Variants in PIK3CB observed in about 807,000 individuals in gnomAD.
PIK3CB encodes the protein phosphatidylinositol-4,5-bisphosphate 3-kinase catalytic subunit beta.
In PIK3CB, 39 loss-of-function variants were observed where a neutral mutation model predicts 136.8. The ratio of observed to expected loss-of-function variants is 0.29; its 90% CI spans 0.22 to 0.37. PIK3CB has a LOEUF of 0.37. PIK3CB is among the 10% of genes least tolerant of loss of function. The pLI, the probability that PIK3CB is intolerant of heterozygous loss-of-function variation, is 1.00. For missense variants in PIK3CB, 868 were observed against 1,275.4 expected (o/e 0.68, Z 4.87); for synonymous variants, 428 against 436.6 (o/e 0.98, Z 0.25).
chr3:138,715,441 T>C (rs923528367), intron 8 of PIK3CB, among the ~76,000 whole-genome samples: 3 of 152,228 alleles, frequency 2.0e-5, no homozygotes, highest in Non-Finnish European at 2.9e-5. Flanking sequence ...GATACACTTT[T>C]AAGGTCAAAG....
intron 1 of PIK3CB, among the ~76,000 whole-genome samples, chr3:138,818,240 G>A (rs1421143719): frequency 6.6e-6 from 1 of 152,094 alleles, no homozygotes; most frequent in African/African-American, 2.4e-5. Flanking sequence ...CCTCCAGCCT[G>A]CACACAGCCA....
intron 5 of PIK3CB, among the ~76,000 whole-genome samples, chr3:138,740,884 T>C (rs919412579): frequency 6.6e-6 from 1 of 152,138 alleles, no homozygotes; most frequent in Non-Finnish European, 1.5e-5. Flanking sequence ...GTTCAAGAGA[T>C]CCTCCCTGTT....
intron 8 of PIK3CB, among the ~76,000 whole-genome samples, chr3:138,723,395 A>T (rs1185230961): frequency 6.6e-6 from 1 of 152,026 alleles, no homozygotes; most frequent in Non-Finnish European, 1.5e-5. Context: ...TACTCAAAAT[A>T]CAAAAAATAG....
chr3:138,699,287 C>CA (rs2044200696), intron 12 of PIK3CB, among the ~76,000 whole-genome samples, 192 bp from the exon 13 acceptor site: 1 of 148,894 alleles, frequency 6.7e-6, no homozygotes, highest in East Asian at 1.9e-4. Flanking sequence ...ATTCTTAAAA[C>CA]AGTTTCTAAA....
chr3:138,824,318 GA>G (rs566177888), intron 1 of PIK3CB, among the ~76,000 whole-genome samples: 9 of 152,224 alleles, frequency 5.9e-5, no homozygotes, highest in African/African-American at 2.2e-4. Context: ...CAGGACCAGG[GA>G]TGCTGTCCTT....
chr3:138,743,644 C>A (rs1333643019), intron 4 of PIK3CB, among the ~76,000 whole-genome samples: 2 of 152,222 alleles, frequency 1.3e-5, no homozygotes, highest in East Asian at 1.9e-4. Flanking sequence ...CTCACTGTAG[C>A]CTTCATCTCC....
rs139678214 is a variant in PIK3CB, at chr3:138,814,242, C to A, written c.-121-17675G>T. Among the ~76,000 whole-genome samples, 22 of 152,144 alleles carry A rather than the reference C, an allele frequency of 1.4e-4. No individual in the cohort carries two copies. The East Asian group carries it at 4.2e-3, about 29-fold the overall frequency. ...TCTGTAATCCCAGAGCTTTGGGAGG[C>A]CCAGGCGGGAGGATCACTTGAAATC... On this transcript the variant is annotated intron_variant, in intron 1 of 23. Transcript: ENST00000674063.
chr3:138,678,301 G>T (rs1239354727), intron 19 of PIK3CB, among the ~76,000 whole-genome samples: 1 of 151,950 alleles, frequency 6.6e-6, no homozygotes, highest in African/African-American at 2.4e-5. Flanking sequence ...AGGAGTTTGT[G>T]GCAGCAGTGA....
chr3:138,792,135 C>A (rs2046058197), intron 2 of PIK3CB, among the ~76,000 whole-genome samples: 1 of 152,030 alleles, frequency 6.6e-6, no homozygotes, highest in Non-Finnish European at 1.5e-5. Flanking sequence ...GTGGAAGTTG[C>A]AGTGAGCTGA....
At chr3:138,709,683 A>T (rs1405555250) in intron 10 of PIK3CB, among the ~76,000 whole-genome samples, 3 of 152,066 alleles carry the variant, frequency 2.0e-5, no homozygotes, top group African/African-American at 7.2e-5. Flanking sequence ...TTTATCATAC[A>T]TTTTCTCAGA....
intron 1 of PIK3CB, among the ~76,000 whole-genome samples, chr3:138,813,601 T>G (rs1933173751): frequency 6.6e-6 from 1 of 151,994 alleles, no homozygotes. Flanking sequence ...GTATTTTTAG[T>G]AGAGACGGGG....
chr3:138,831,216 G>T (rs1049435245), intron 1 of PIK3CB, among the ~76,000 whole-genome samples: 1 of 150,364 alleles, frequency 6.7e-6, no homozygotes, highest in Non-Finnish European at 1.5e-5. Context: ...GAACCCAGGA[G>T]GTGTGAACTC....
At chr3:138,704,408 A>T in intron 12 of PIK3CB, 35 bp downstream of exon 12, 1 of 1,437,846 alleles carries the variant, frequency 7.0e-7, no homozygotes, top group South Asian at 1.1e-5. Flanking sequence ...GCACAACTCC[A>T]TAAGAAAGGG....
At chr3:138,774,156 G>T (rs909659301) in intron 2 of PIK3CB, among the ~76,000 whole-genome samples, 1 of 152,176 alleles carries the variant, frequency 6.6e-6, no homozygotes, top group Admixed American at 6.5e-5. Context: ...ACAGTTCAAT[G>T]AATTTTTGGA....
At position 138,734,797 on chromosome 3, in the gene PIK3CB, C is replaced by T. The variant is rs1278459239; in HGVS notation, c.809G>A (p.Arg270Gln). Residue 270 changes from arginine to glutamine, a missense_variant, in exon 7 of 24, where the codon CGG (arginine) becomes CAG (glutamine). By Grantham distance (43) the Arg-to-Gln change is conservative (BLOSUM62 1). This residue lies in a region of PIK3CB where 612 missense variants were observed against 801.1 expected (regional missense o/e 0.76). Transcript: ENST00000674063. ...CAGGGCTCTGTTCATCACACAGTTC[C>T]GGATATACTATAGGGGCAAGAAAGG... ...DHPLIQFQYI[R>Q]NCVMNRALPH... The T allele has an allele frequency of 1.4e-5, 23 of 1,605,020 alleles. No homozygotes were observed. Among genetic ancestry groups the T allele is most frequent in the East Asian group, 4.5e-5 (2 of 44,630 alleles).
chr3:138,802,585 T>C (rs2046190121), intron 1 of PIK3CB, among the ~76,000 whole-genome samples: 2 of 151,968 alleles, frequency 1.3e-5, no homozygotes, highest in South Asian at 4.1e-4. Context: ...CAAATAGTAT[T>C]GTTACTTTAA....
At chr3:138,809,071 C>T (rs1324829533) in intron 1 of PIK3CB, among the ~76,000 whole-genome samples, 1 of 151,390 alleles carries the variant, frequency 6.6e-6, no homozygotes, top group South Asian at 2.1e-4. Context: ...GTCAGGAGTT[C>T]AAGATCATCC....
intron 6 of PIK3CB, among the ~76,000 whole-genome samples, 162 bp from the exon 7 acceptor site, chr3:138,734,966 T>C (rs2045072973): frequency 6.6e-6 from 1 of 151,088 alleles, no homozygotes; most frequent in Admixed American, 6.6e-5. Context: ...TTTTTTTTTT[T>C]TTTTGAGACA....
chr3:138,691,649 GT>G (rs1274813441), intron 14 of PIK3CB, among the ~76,000 whole-genome samples: 1 of 152,134 alleles, frequency 6.6e-6, no homozygotes, highest in Non-Finnish European at 1.5e-5. Flanking sequence ...ATAATTTTAA[GT>G]TTTGTGAGGC....
Sources: allele counts gnomAD v4.1 joint callset (sites outside exome capture counted in the v4.1 genomes callset), GRCh38; gene constraint gnomAD v4.1.1; regional missense constraint gnomAD v4.1.1; transcripts MANE v1.5; gene names NCBI Gene and HGNC (gene_info 2026-07-23, HGNC 2026-07-21).